Variants in BRWD1 observed in about 807,000 individuals in gnomAD.
The protein encoded by BRWD1 is bromodomain and WD repeat domain containing 1.
In BRWD1, 82 loss-of-function variants were observed where a neutral mutation model predicts 251.2. The ratio of observed to expected loss-of-function variants is 0.33; its 90% confidence interval spans 0.27 to 0.39. The LOEUF (loss-of-function observed/expected upper bound fraction) is 0.39. Ranked by LOEUF, BRWD1 falls within the 10% of genes least tolerant of loss-of-function variation. The probability of loss-of-function intolerance (pLI) is 1.00; values close to 1 mark genes in which losing one functional copy is unlikely to be tolerated. For missense variants in BRWD1, 2,233 were observed against 2,711.6 expected (o/e 0.82, Z 3.92); for synonymous variants, 918 against 902.8 (o/e 1.02, Z -0.30).
chr21:39,219,913 C>T (rs919914243), intron 29 of BRWD1: 4 of 152,286 alleles, frequency 2.6e-5, no homozygotes, highest in Admixed American at 2.6e-4. Flanking sequence ...AGACATCCCA[C>T]TGCCCTAATA....
intron 19 of BRWD1, among the ~76,000 whole-genome samples, chr21:39,254,565 G>C (rs372648849): frequency 1.3e-5 from 2 of 152,134 alleles, no homozygotes; most frequent in East Asian, 1.9e-4. Flanking sequence ...TAATGAAAAG[G>C]AATAAATCTT....
At chr21:39,230,699 G>A (rs1460457385) in intron 25 of BRWD1, among the ~76,000 whole-genome samples, 1 of 151,882 alleles carries the variant, frequency 6.6e-6, no homozygotes, top group Non-Finnish European at 1.5e-5. Flanking sequence ...TCAGCACTAC[G>A]CTTAGGGGCC....
Position 39,276,154 on chromosome 21 carries a change from A to G in BRWD1, c.1145+19T>C, listed in dbSNP as rs748077770. ...TTTGCCTAATAACACACACACACAC[A>G]TACAAAACACACACTTACCGATCAC... On this transcript the variant is annotated intron_variant, in intron 12 of 40. Transcript: ENST00000342449. 1 of 1,600,492 alleles carries G rather than the reference A, an allele frequency of 6.2e-7. No individual in the cohort carries two copies. Among genetic ancestry groups the G allele is most frequent in the East Asian group, 2.2e-5 (1 of 44,606 alleles).
chr21:39,261,379 A>C (rs983064797), intron 17 of BRWD1, among the ~76,000 whole-genome samples: 1 of 152,222 alleles, frequency 6.6e-6, no homozygotes, highest in African/African-American at 2.4e-5. Context: ...AATACACAGC[A>C]GAAGTGCTTT....
At chr21:39,273,068 A>G (rs2035168940) in intron 13 of BRWD1, among the ~76,000 whole-genome samples, 1 of 152,258 alleles carries the variant, frequency 6.6e-6, no homozygotes, top group South Asian at 2.1e-4. Flanking sequence ...AAATGAGAAG[A>G]TATTTTCTCA....
chr21:39,310,973 G>A (rs2036462273), intron 4 of BRWD1, among the ~76,000 whole-genome samples: 1 of 151,998 alleles, frequency 6.6e-6, no homozygotes, highest in South Asian at 2.1e-4. Context: ...CTCAGTCCTG[G>A]GGGACTGGAG....
chr21:39,244,942 A>ATATATATATATATATATATT (rs2034132099), intron 21 of BRWD1, among the ~76,000 whole-genome samples: 1 of 144,202 alleles, frequency 6.9e-6, no homozygotes, highest in African/African-American at 2.5e-5. Context: ...ATATATATAT[A>ATATATATATATATATATATT]TATGCAGAAA....
chr21:39,255,676 C>T lies in BRWD1; in HGVS notation c.2224G>A (p.Val742Ile). 1.2e-5 allele frequency: 19 copies of T among 1,614,146 alleles called. No homozygotes were observed. Among genetic ancestry groups the T allele is most frequent in the Non-Finnish European group, 1.6e-5 (19 of 1,180,020 alleles). Residue 742 changes from valine to isoleucine, a missense_variant, in exon 19 of 41, where the codon GTT becomes ATT. Around this residue, in one of 12 missense-constraint regions of BRWD1, gnomAD observed 35 missense variants for 76.3 expected, o/e 0.46. Transcript: ENST00000342449. ...RDLQAWKRRVVVPEVPLGIFR... is the reference protein window; with the variant it reads ...RDLQAWKRRVIVPEVPLGIFR... ...ATGCCTAGTGGTACCTCTGGTACAA[C>T]CACTCTTCGTTTCCAAGCCTGCAGG... is the stretch of plus-strand genomic sequence containing the variant.
rs559268111 is a variant in BRWD1 at position 39,225,094 on chromosome 21, A to G, written c.3312T>C (p.Tyr1104=). 1.6e-5 allele frequency: 26 copies of G among 1,597,208 alleles called. No homozygotes were observed. Among genetic ancestry groups the G allele is most frequent in the Admixed American group, 1.3e-4 (8 of 60,006 alleles). ...PQYPDSHFQC[Y]IVRWDNTEIE... ...TTCATCTGTATACAAACCTAACAATATAACACTGGAAATGACTATCAGGAT... is the reference window on the plus strand; with the variant it reads ...TTCATCTGTATACAAACCTAACAATGTAACACTGGAAATGACTATCAGGAT... Residue 1104 remains tyrosine, a synonymous_variant, in exon 28 of 41, where the codon TAT becomes TAC. Coordinates refer to ENST00000342449, the MANE Select transcript of BRWD1 (RefSeq NM_033656.4).
intron 8 of BRWD1, among the ~76,000 whole-genome samples, chr21:39,282,395 A>G (rs893143355): frequency 6.6e-6 from 1 of 152,202 alleles, no homozygotes; most frequent in South Asian, 2.1e-4. Context: ...ATCTAAGTAG[A>G]TATGTTCCAG....
chr21:39,188,257 T>C lies in BRWD1; in HGVS notation c.*8002A>G. ...TTCTTGCAGCCATGAACAGTCAAAC[T>C]ATCTAAAACTGCCTTCATGGTACAC... On this transcript the variant is annotated 3_prime_UTR_variant, in exon 41 of 41. Coordinates refer to ENST00000342449, the MANE Select transcript of BRWD1 (RefSeq NM_033656.4). 1.0e-6 allele frequency: 1 copy of C among 985,400 alleles called. No homozygotes were observed. Among genetic ancestry groups the C allele is most frequent in the Non-Finnish European group, 1.2e-6 (1 of 829,904 alleles). 61.0% of individuals were successfully genotyped at this position (985,400 alleles called of 1,614,324 possible). A position where few individuals can be genotyped will look rare whatever the true frequency, so the allele number is the denominator to read the frequency against.
In BRWD1 at chr21:39,191,419, C is replaced by T. The variant is rs1460012127; in HGVS notation, c.*4840G>A. The T allele has an allele frequency of 1.0e-6, 1 of 984,972 alleles. No homozygotes were observed. Among genetic ancestry groups the T allele is most frequent in the Admixed American group, 6.2e-5 (1 of 16,238 alleles). The allele number at this position is 984,972 out of a possible 1,614,324, so 61.0% of individuals were successfully genotyped here. A position where few individuals can be genotyped will look rare whatever the true frequency, so the allele number is the denominator to read the frequency against. ...TAGTGTTTTGTTTTGTTTTTTAACT[C>T]TTTTGCTTGTTAAGATGAAAATGCT... On this transcript the variant is annotated 3_prime_UTR_variant, in exon 41 of 41. Coordinates refer to ENST00000342449, the MANE Select transcript of BRWD1 (RefSeq NM_033656.4).
At chr21:39,227,900 G>C (rs1401128671) in intron 27 of BRWD1, among the ~76,000 whole-genome samples, 1 of 152,170 alleles carries the variant, frequency 6.6e-6, no homozygotes, top group Non-Finnish European at 1.5e-5. Context: ...CTAAAAGGAA[G>C]TAAGTCTACC....
chr21:39,232,941 A>G (rs1191174604), intron 23 of BRWD1, among the ~76,000 whole-genome samples: 1 of 152,170 alleles, frequency 6.6e-6, no homozygotes, highest in Admixed American at 6.5e-5. Context: ...CTTTTCAAGA[A>G]GTGGAAGTCT....
chr21:39,268,206 G>A (rs985831802), intron 15 of BRWD1, among the ~76,000 whole-genome samples: 1 of 152,058 alleles, frequency 6.6e-6, no homozygotes, highest in African/African-American at 2.4e-5. Context: ...TTGGGAGGCC[G>A]AGGCGGGTGA....
chr21:39,187,342 A>G lies in BRWD1; in HGVS notation c.*8917T>C, dbSNP rs200216534. Reference sequence around the variant, plus strand: ...TTTTGCTTTCAGAGTTTCACTAGGCATCTGCACTGCATCCTTCTGATTATG... The same window carrying G: ...TTTTGCTTTCAGAGTTTCACTAGGCGTCTGCACTGCATCCTTCTGATTATG... On this transcript the variant is annotated 3_prime_UTR_variant, in exon 41 of 41. Transcript: ENST00000342449. 1 of 1,613,870 alleles carries G rather than the reference A, an allele frequency of 6.2e-7. No homozygotes were observed. The highest frequency in any genetic ancestry group is 8.5e-7 in the Non-Finnish European group (1 of 1,179,914).
At chr21:39,280,078 C>A in intron 9 of BRWD1, 70 bp downstream of exon 9, 9 of 1,152,306 alleles carry the variant, frequency 7.8e-6, no homozygotes, top group East Asian at 5.3e-5. Context: ...AACAATAAAA[C>A]TTCATTTCAT....
rs187482052 is a variant in BRWD1, at chr21:39,197,451, G to C, written c.5654-36C>G. The C allele has an allele frequency of 2.1e-4, 313 of 1,471,302 alleles. 1 individual carries two copies. In the East Asian group the frequency reaches 3.9e-3, roughly 18 times the overall value. 91.1% of individuals were successfully genotyped at this position (1,471,302 alleles called of 1,614,324 possible). Reference sequence around the variant, plus strand: ...AAGAGCAGATTTCTATTAATCTTTTGTAAGTCTAAAGGAATTATATGTTCA... The same window carrying C: ...AAGAGCAGATTTCTATTAATCTTTTCTAAGTCTAAAGGAATTATATGTTCA... On this transcript the variant is annotated intron_variant, in intron 40 of 40. Transcript: ENST00000342449.
chr21:39,188,730 GA>G lies in BRWD1; in HGVS notation c.*7528del, dbSNP rs1223980860. 4 of 985,288 alleles carry G rather than the reference GA, an allele frequency of 4.1e-6. No individual in the cohort carries two copies. The African/African-American group carries it at 7.0e-5, about 17-fold the overall frequency. The allele number at this position is 985,288 out of a possible 1,614,324, so 61.0% of individuals were successfully genotyped here. ...ATTTCACACTTCTCTAAGATCAGTT[GA>G]GCGTTCTCCCCAGAATAGGTTAGGA... On this transcript the variant is annotated 3_prime_UTR_variant, in exon 41 of 41. Coordinates refer to ENST00000342449, the MANE Select transcript of BRWD1 (RefSeq NM_033656.4).
Sources: allele counts gnomAD v4.1 joint callset (sites outside exome capture counted in the v4.1 genomes callset), GRCh38; gene constraint gnomAD v4.1.1; regional missense constraint gnomAD v4.1.1; transcripts MANE v1.5; gene names NCBI Gene and HGNC (gene_info 2026-07-23, HGNC 2026-07-21).